Variants in TOM1L2 observed in about 807,000 individuals in gnomAD.
The protein encoded by TOM1L2 is target of myb1 like 2 membrane trafficking protein.
A neutral mutation model predicts 67.9 loss-of-function variants in TOM1L2; 31 were observed. That is an observed-to-expected ratio of 0.46 (90% confidence interval 0.34 to 0.62). The LOEUF (loss-of-function observed/expected upper bound fraction) is 0.62. TOM1L2 is among the 20% of genes least tolerant of loss of function. TOM1L2 has a pLI of 0.01. For missense variants in TOM1L2, 606 were observed against 663.5 expected, an observed-to-expected ratio of 0.91 and a Z score of 0.95; for synonymous variants, 256 against 254.0, an observed-to-expected ratio of 1.01 and a Z score of -0.07.
In TOM1L2 at chr17:17,899,254, G is replaced by A. The variant is rs578085701; in HGVS notation, c.138-580C>T. ...CCATATGAGAGACACAGAAGAGAGC[G>A]TGCCAGGTCCTTGTGAGCCCTGGAT... On this transcript the variant is annotated intron_variant, in intron 2 of 14. Transcript: ENST00000379504. Among the ~76,000 whole-genome samples, 10 of 152,312 alleles carry A rather than the reference G, an allele frequency of 6.6e-5. No homozygotes were observed. The South Asian group carries it at 1.9e-3, about 28-fold the overall frequency.
At chr17:17,969,057 C>CTT (rs563818412) in intron 1 of TOM1L2, among the ~76,000 whole-genome samples, 13 of 140,736 alleles carry the variant, frequency 9.2e-5, no homozygotes, top group African/African-American at 2.1e-4. Flanking sequence ...ACCAGCTCTC[C>CTT]TTTTTTTTTT....
At chr17:17,945,638 T>C (rs1266137529) in intron 1 of TOM1L2, among the ~76,000 whole-genome samples, 1 of 152,212 alleles carries the variant, frequency 6.6e-6, no homozygotes, top group African/African-American at 2.4e-5. Context: ...TAGTTAATCA[T>C]TGATATTTTG....
intron 1 of TOM1L2, among the ~76,000 whole-genome samples, chr17:17,933,311 G>C (rs2040404665): frequency 6.6e-6 from 1 of 152,178 alleles, no homozygotes; most frequent in South Asian, 2.1e-4. Flanking sequence ...CTCTCCTCAG[G>C]AGCTCCTGCC....
At chr17:17,851,302 T>G in intron 12 of TOM1L2, 1 of 348,812 alleles carries the variant, frequency 2.9e-6, no homozygotes, top group Non-Finnish European at 5.5e-6. Flanking sequence ...CCTTCTAACT[T>G]CAGGAAGGCG....
At chr17:17,875,429 T>C (rs1278204672) in intron 7 of TOM1L2, among the ~76,000 whole-genome samples, 2 of 152,148 alleles carry the variant, frequency 1.3e-5, no homozygotes, top group Admixed American at 6.5e-5. Context: ...CTCTGCTTCC[T>C]CCACCTCCAA....
At chr17:17,908,986 T>TC (rs1368158138) in intron 1 of TOM1L2, among the ~76,000 whole-genome samples, 4 of 152,008 alleles carry the variant, frequency 2.6e-5, no homozygotes, top group African/African-American at 9.7e-5. Flanking sequence ...ATCGAGACCA[T>TC]CTGGCTAACA....
chr17:17,847,917 G>A (rs1568034954), intron 14 of TOM1L2, 134 bp from the exon 15 acceptor site: 1 of 1,193,250 alleles, frequency 8.4e-7, no homozygotes, highest in South Asian at 1.3e-5. Flanking sequence ...TGGGTAGGGA[G>A]GGGTTCGTGA....
chr17:17,926,635 G>C (rs2040095693), intron 1 of TOM1L2, among the ~76,000 whole-genome samples: 2 of 151,958 alleles, frequency 1.3e-5, no homozygotes, highest in African/African-American at 4.8e-5. Context: ...GGCCGAGGCG[G>C]GCGGATTGCT....
intron 1 of TOM1L2, among the ~76,000 whole-genome samples, chr17:17,937,088 A>G (rs2040541985): frequency 6.6e-6 from 1 of 152,214 alleles, no homozygotes; most frequent in African/African-American, 2.4e-5. Context: ...AGCAGAAAGA[A>G]GGCTGGAGGC....
At chr17:17,927,087 C>A (rs1274479137) in intron 1 of TOM1L2, among the ~76,000 whole-genome samples, 10 of 152,000 alleles carry the variant, frequency 6.6e-5, no homozygotes, top group Middle Eastern at 3.2e-3. Flanking sequence ...CAAATAAGAT[C>A]AAAATCCAAC....
intron 6 of TOM1L2, among the ~76,000 whole-genome samples, chr17:17,880,272 G>A (rs568135550): frequency 3.9e-5 from 6 of 152,214 alleles, no homozygotes; most frequent in Middle Eastern, 3.4e-3. Flanking sequence ...TTTCTGCTGC[G>A]GCAAGAATGA....
chr17:17,907,449 T>C lies in TOM1L2; in HGVS notation c.135A>G (p.Glu45=), dbSNP rs1252326884. Residue 45 remains glutamate (E), a splice_region_variant and synonymous_variant, in exon 2 of 15, where the codon GAA becomes GAG. Coordinates refer to ENST00000379504, the MANE Select transcript of TOM1L2 (RefSeq NM_001082968.2). ...EICDIINETE[E]GPKDAIRALK... is the part of the protein sequence containing the mutation. ...CCAGGAGAGGGGGGCACACGTACCC[T>C]TCCTCCGTCTCATTGATGATGTCAC... The C allele has an allele frequency of 1.2e-6, 2 of 1,613,804 alleles. No individual in the cohort carries two copies. The highest frequency in any genetic ancestry group is 1.7e-6 in the Non-Finnish European group (2 of 1,179,868).
chr17:17,959,973 A>G (rs1057192540), intron 1 of TOM1L2, among the ~76,000 whole-genome samples: 9 of 152,248 alleles, frequency 5.9e-5, no homozygotes, highest in Non-Finnish European at 1.3e-4. Flanking sequence ...ATCCAAAGAG[A>G]AAGTAAAATA....
chr17:17,945,697 A>G (rs1409887137), intron 1 of TOM1L2, among the ~76,000 whole-genome samples: 1 of 152,236 alleles, frequency 6.6e-6, no homozygotes, highest in East Asian at 1.9e-4. Context: ...CTGCATAGCT[A>G]TAATTCAGCA....
chr17:17,899,636 G>A (rs1169157930), intron 2 of TOM1L2, among the ~76,000 whole-genome samples: 1 of 152,188 alleles, frequency 6.6e-6, no homozygotes, highest in Non-Finnish European at 1.5e-5. Flanking sequence ...GCTGCCCCTG[G>A]CACAAAGCCC....
At chr17:17,907,628 C>T (rs1206512964) in intron 1 of TOM1L2, 97 bp from the exon 2 acceptor site, 1 of 1,045,808 alleles carries the variant, frequency 9.6e-7, no homozygotes, top group African/African-American at 1.6e-5. Flanking sequence ...ATTCTTCTCC[C>T]AAGCAGATGG....
At chr17:17,869,258 C>T (rs2037017286) in intron 8 of TOM1L2, 82 bp downstream of exon 8, 5 of 1,589,060 alleles carry the variant, frequency 3.1e-6, no homozygotes, top group Non-Finnish European at 4.3e-6. Flanking sequence ...CCCTCTCTTT[C>T]CTTTGTTTAT....
intron 1 of TOM1L2, among the ~76,000 whole-genome samples, chr17:17,960,179 G>A (rs886735621): frequency 2.0e-5 from 3 of 152,166 alleles, no homozygotes; most frequent in Non-Finnish European, 2.9e-5. Flanking sequence ...AGATTTTTCA[G>A]CTACCAAGTT....
chr17:17,935,241 C>T lies in TOM1L2; in HGVS notation c.53-27710G>A, dbSNP rs529167857. Among the ~76,000 whole-genome samples, 5 of 152,332 alleles carry T rather than the reference C, an allele frequency of 3.3e-5. No individual in the cohort carries two copies. In the South Asian group the frequency reaches 8.3e-4, roughly 25 times the overall value. Reference sequence around the variant, plus strand: ...TGTTAACTTTGGGGAGGCAGCTGAACTGTGAGTCAGGTCTAGGGAGGTAAC... The same window carrying T: ...TGTTAACTTTGGGGAGGCAGCTGAATTGTGAGTCAGGTCTAGGGAGGTAAC... On this transcript the variant is annotated intron_variant, in intron 1 of 14. Coordinates refer to ENST00000379504, the MANE Select transcript of TOM1L2 (RefSeq NM_001082968.2).
Sources: allele counts gnomAD v4.1 joint callset (sites outside exome capture counted in the v4.1 genomes callset), GRCh38; gene constraint gnomAD v4.1.1; transcripts MANE v1.5; gene names NCBI Gene and HGNC (gene_info 2026-07-23, HGNC 2026-07-21).